The following ERC1 variants were observed in gnomAD, a reference collection of about 807,000 sequenced individuals.
The protein encoded by ERC1 is RAB6 interacting protein 2.
In ERC1, 56 loss-of-function variants were observed where a neutral mutation model predicts 132.0. The ratio of observed to expected loss-of-function variants is 0.42; its 90% confidence interval spans 0.34 to 0.53. The LOEUF is 0.53. Among genes scored for constraint, ERC1 ranks in the 20% least tolerant of loss-of-function variants. ERC1 has a pLI of 0.03. For synonymous variants in ERC1, 478 were observed against 476.1 expected (o/e 1.00, Z -0.05); for missense variants, 1,202 against 1,349.9 (o/e 0.89, Z 1.72).
At chr12:1,021,930 A>G (rs1966447205) in intron 1 of ERC1, among the ~76,000 whole-genome samples, 2 of 152,226 alleles carry the variant, frequency 1.3e-5, no homozygotes, top group Non-Finnish European at 2.9e-5. Flanking sequence ...TGAAATGGTC[A>G]TAGGCTAATG....
rs145327032 is a variant in ERC1, at chr12:1,052,942, T to C, written c.669+24370T>C. Among the ~76,000 whole-genome samples the C allele has an allele frequency of 3.2e-3, 489 of 151,834 alleles. 8 individuals are homozygous for C. The highest frequency in any genetic ancestry group is 0.011 in the African/African-American group (470 of 41,350). On this transcript the variant is annotated intron_variant, in intron 2 of 18. Coordinates refer to ENST00000360905, the MANE Select transcript of ERC1 (RefSeq NM_178040.4). ...CCAAGATGGTGCCGTTGCACTCCAG[T>C]CTGGGCAACAAGAGTGAAACTATGT...
Position 1,440,600 on chromosome 12 carries a change from TTGTGTGTGTGTGTGTGTGTGTGTGTG to T in ERC1, c.3025-3919_3025-3894del, listed in dbSNP as rs56749397. Reference sequence around the variant, plus strand: ...TAAGCAATCCCCCTGCCTCAGCCTTTTGTGTGTGTGTGTGTGTGTGTGTGTGTGTGTGTGTGTGTGTGTGTGTGTGT... The same window carrying T: ...TAAGCAATCCCCCTGCCTCAGCCTTTTGTGTGTGTGTGTGTGTGTGTGTGT... On this transcript the variant is annotated intron_variant, in intron 17 of 18. Transcript: ENST00000360905. Among the ~76,000 whole-genome samples the T allele has an allele frequency of 7.3e-3, 375 of 51,160 alleles. 4 individuals carry two copies. Among genetic ancestry groups the T allele is most frequent in the Middle Eastern group, 0.023 (2 of 88 alleles). The allele number at this position is 51,160 out of a possible 152,430, so 33.6% of individuals were successfully genotyped here.
intron 18 of ERC1, among the ~76,000 whole-genome samples, chr12:1,457,088 T>C (rs2093553959): frequency 6.6e-6 from 1 of 152,198 alleles, no homozygotes; most frequent in South Asian, 2.1e-4. Context: ...GAAATACCAC[T>C]GTGTTCCAGT....
intron 14 of ERC1, among the ~76,000 whole-genome samples, chr12:1,272,946 TAAAAAA>T (rs56750908): frequency 2.3e-5 from 2 of 87,800 alleles, no homozygotes; most frequent in African/African-American, 5.1e-5. Flanking sequence ...AGACTCCGTC[TAAAAAA>T]AAAAAAAAAA....
intron 15 of ERC1, among the ~76,000 whole-genome samples, chr12:1,299,096 T>C (rs887171033): frequency 2.0e-5 from 3 of 152,324 alleles, no homozygotes; most frequent in Admixed American, 6.5e-5. Flanking sequence ...TTTTGACCTC[T>C]ATTCCTTAGA....
chr12:1,167,902 G>T (rs1952595132), intron 8 of ERC1, among the ~76,000 whole-genome samples: 1 of 151,818 alleles, frequency 6.6e-6, no homozygotes, highest in East Asian at 1.9e-4. Flanking sequence ...TTTTACTGCA[G>T]ACGGGGTTTC....
intron 7 of ERC1, among the ~76,000 whole-genome samples, chr12:1,137,239 T>C (rs1949347212): frequency 6.6e-6 from 1 of 151,104 alleles, no homozygotes; most frequent in South Asian, 2.1e-4. Context: ...GCTGGGATTA[T>C]AGGCAAGCGC....
At chr12:1,355,844 A>G (rs7304894) in intron 15 of ERC1, among the ~76,000 whole-genome samples, 4,816 of 152,254 alleles carry the variant, frequency 0.032, 82 homozygotes, top group Middle Eastern at 0.071. Context: ...AATTCCGTCA[A>G]CCAGCTTCAG....
chr12:1,355,539 T>C (rs1286941590), intron 15 of ERC1, among the ~76,000 whole-genome samples: 1 of 152,240 alleles, frequency 6.6e-6, no homozygotes, highest in Non-Finnish European at 1.5e-5. Flanking sequence ...TGGAAATCTT[T>C]TGTCATGCTT....
chr12:1,284,703 T>C (rs773875739), intron 14 of ERC1, among the ~76,000 whole-genome samples: 1 of 152,136 alleles, frequency 6.6e-6, no homozygotes, highest in African/African-American at 2.4e-5. Context: ...CAGTGTCTTG[T>C]TCTGTTACCC....
chr12:1,226,578 T>A (rs768656343), intron 12 of ERC1, among the ~76,000 whole-genome samples: 7 of 152,224 alleles, frequency 4.6e-5, no homozygotes, highest in Non-Finnish European at 8.8e-5. Flanking sequence ...TCTTCCACGA[T>A]CTCCCCCTTT....
chr12:1,109,440 A>G (rs779465607), intron 4 of ERC1, among the ~76,000 whole-genome samples: 4 of 152,178 alleles, frequency 2.6e-5, no homozygotes. Flanking sequence ...AAATCTTTGA[A>G]ACCCTCTTAC....
At chr12:1,147,548 T>C (rs1007458598) in intron 8 of ERC1, among the ~76,000 whole-genome samples, 6 of 152,218 alleles carry the variant, frequency 3.9e-5, no homozygotes, top group Non-Finnish European at 5.9e-5. Flanking sequence ...CAATAACATG[T>C]TGGTAAGAAA....
At chr12:1,022,775 G>A (rs187821718) in intron 1 of ERC1, among the ~76,000 whole-genome samples, 7 of 152,162 alleles carry the variant, frequency 4.6e-5, no homozygotes, top group East Asian at 1.9e-4. Context: ...AAGTGAGCAC[G>A]TCTGGGTAAT....
At chr12:1,350,591 A>G (rs2084909050) in intron 15 of ERC1, among the ~76,000 whole-genome samples, 1 of 152,220 alleles carries the variant, frequency 6.6e-6, no homozygotes, top group African/African-American at 2.4e-5. Flanking sequence ...GAAGTCAGGT[A>G]GGACAGAGCC....
intron 4 of ERC1, among the ~76,000 whole-genome samples, chr12:1,109,926 T>C (rs1397892286): frequency 1.3e-5 from 2 of 152,204 alleles, no homozygotes; most frequent in East Asian, 3.8e-4. Context: ...CGTACACTTG[T>C]AATCCCAGCT....
At chr12:1,230,979 C>G (rs966985786) in intron 12 of ERC1, among the ~76,000 whole-genome samples, 3 of 152,062 alleles carry the variant, frequency 2.0e-5, no homozygotes, top group Admixed American at 6.5e-5. Context: ...TCTCTTGTAG[C>G]CAACATATTG....
At chr12:1,458,030 A>G (rs1192837591) in intron 18 of ERC1, among the ~76,000 whole-genome samples, 1 of 152,264 alleles carries the variant, frequency 6.6e-6, no homozygotes, top group Non-Finnish European at 1.5e-5. Context: ...CTGGCAGGAC[A>G]AAGGCACTGG....
intron 17 of ERC1, among the ~76,000 whole-genome samples, chr12:1,415,760 T>C (rs2092088529): frequency 6.6e-6 from 1 of 152,206 alleles, no homozygotes; most frequent in Non-Finnish European, 1.5e-5. Context: ...CAAGGAAGAA[T>C]TCGATCCTCT....
Sources: allele counts gnomAD v4.1 joint callset (sites outside exome capture counted in the v4.1 genomes callset), GRCh38; gene constraint gnomAD v4.1.1; transcripts MANE v1.5; gene names NCBI Gene and HGNC (gene_info 2026-07-23, HGNC 2026-07-21).